Variants in ARHGAP15 observed in about 807,000 individuals in gnomAD.
The protein encoded by ARHGAP15 is rho GTPase-activating protein 15.
A neutral mutation model predicts 63.7 loss-of-function variants in ARHGAP15; 51 were observed. The ratio of observed to expected loss-of-function variants is 0.80; its 90% CI spans 0.64 to 1.01. ARHGAP15 has a LOEUF of 1.01. Among genes scored for constraint, ARHGAP15 ranks in the 50% least tolerant of loss-of-function variants. The pLI is 0.00. For missense variants in ARHGAP15, 560 were observed against 564.6 expected, an observed-to-expected ratio of 0.99 and a Z score of 0.08; for synonymous variants, 191 against 193.8, an observed-to-expected ratio of 0.99 and a Z score of 0.12.
At chr2:143,474,313 C>T (rs1292461649) in intron 8 of ARHGAP15, among the ~76,000 whole-genome samples, 1 of 152,098 alleles carries the variant, frequency 6.6e-6, no homozygotes, top group African/African-American at 2.4e-5. Context: ...CACCCCCCAC[C>T]CTTGAGGCAT....
At chr2:143,212,214 G>GTT (rs1436918511) in intron 3 of ARHGAP15, among the ~76,000 whole-genome samples, 1 of 152,126 alleles carries the variant, frequency 6.6e-6, no homozygotes, top group Non-Finnish European at 1.5e-5. Context: ...TTAATCAAAG[G>GTT]TTGTCTTCTG....
At chr2:143,197,192 CACAA>C (rs1000777777) in intron 2 of ARHGAP15, among the ~76,000 whole-genome samples, 15 of 151,946 alleles carry the variant, frequency 9.9e-5, no homozygotes, top group African/African-American at 3.4e-4. Context: ...GATTTTATAA[CACAA>C]ACAAACAAGT....
intron 11 of ARHGAP15, among the ~76,000 whole-genome samples, chr2:143,610,317 C>G (rs1397806374): frequency 6.6e-6 from 1 of 152,084 alleles, no homozygotes; most frequent in Non-Finnish European, 1.5e-5. Flanking sequence ...TTAAAAATAG[C>G]TCTGTTCATT....
At chr2:143,224,740 T>A (rs917388238) in intron 4 of ARHGAP15, among the ~76,000 whole-genome samples, 4 of 152,176 alleles carry the variant, frequency 2.6e-5, no homozygotes, top group Non-Finnish European at 5.9e-5. Context: ...AGTGATCCTT[T>A]GCACACTCCA....
At chr2:143,324,190 T>C (rs1684153653) in intron 6 of ARHGAP15, among the ~76,000 whole-genome samples, 1 of 152,150 alleles carries the variant, frequency 6.6e-6, no homozygotes, top group Non-Finnish European at 1.5e-5. Flanking sequence ...CACACAAAAC[T>C]ACAAGGAGAA....
chr2:143,179,097 T>C (rs1260214340), intron 2 of ARHGAP15, among the ~76,000 whole-genome samples: 1 of 152,228 alleles, frequency 6.6e-6, no homozygotes, highest in Non-Finnish European at 1.5e-5. Flanking sequence ...GATTACCTAA[T>C]TTGGCTAAGA....
intron 10 of ARHGAP15, among the ~76,000 whole-genome samples, chr2:143,524,890 T>TATTGTACAGTACCC (rs1694199374): frequency 1.3e-5 from 2 of 152,228 alleles, no homozygotes; most frequent in South Asian, 4.1e-4. Context: ...TTAATACAGC[T>TATTGTACAGTACCC]ATTGTACAGT....
chr2:143,740,007 A>T (rs1020232441), intron 13 of ARHGAP15, among the ~76,000 whole-genome samples: 3 of 152,106 alleles, frequency 2.0e-5, no homozygotes, highest in Admixed American at 6.5e-5. Context: ...AGCTCTCATA[A>T]GTCCATTTTT....
intron 10 of ARHGAP15, among the ~76,000 whole-genome samples, chr2:143,538,439 G>T (rs1433431082): frequency 2.6e-5 from 4 of 152,116 alleles, no homozygotes; most frequent in African/African-American, 4.8e-5. Flanking sequence ...GGTGAGAGAG[G>T]GCATCCCTGT....
intron 6 of ARHGAP15, among the ~76,000 whole-genome samples, chr2:143,336,914 G>C (rs1337453634): frequency 6.6e-6 from 1 of 152,184 alleles, no homozygotes; most frequent in Admixed American, 6.5e-5. Flanking sequence ...TGGGAAAACA[G>C]TGGTGATCAT....
chr2:143,143,214 C>A (rs2104991634), intron 1 of ARHGAP15, among the ~76,000 whole-genome samples: 1 of 152,098 alleles, frequency 6.6e-6, no homozygotes, highest in South Asian at 2.1e-4. Context: ...AGTATCTAGT[C>A]CCCCAGATAG....
At chr2:143,142,268 TAGAG>T (rs1689400542) in intron 1 of ARHGAP15, among the ~76,000 whole-genome samples, 1 of 152,092 alleles carries the variant, frequency 6.6e-6, no homozygotes, top group Admixed American at 6.6e-5. Flanking sequence ...GGGTAATGAT[TAGAG>T]AGAACTGGAG....
intron 13 of ARHGAP15, among the ~76,000 whole-genome samples, chr2:143,759,825 AC>A (rs1365439618): frequency 1.3e-5 from 2 of 151,884 alleles, no homozygotes; most frequent in African/African-American, 4.8e-5. Flanking sequence ...CATTAGTATT[AC>A]CTGGGGGCTA....
intron 13 of ARHGAP15, among the ~76,000 whole-genome samples, chr2:143,767,476 A>G (rs987268954): frequency 2.6e-5 from 4 of 152,204 alleles, no homozygotes; most frequent in Non-Finnish European, 4.4e-5. Context: ...CATATACCAA[A>G]CTGTCTCAGA....
At chr2:143,756,579 C>G (rs142584465) in intron 13 of ARHGAP15, among the ~76,000 whole-genome samples, 310 of 152,032 alleles carry the variant, frequency 2.0e-3, no homozygotes, top group African/African-American at 7.2e-3. Flanking sequence ...ATTAAGAATT[C>G]TTTTACTGCT....
chr2:143,384,896 G>GA (rs550927139), intron 6 of ARHGAP15, among the ~76,000 whole-genome samples: 28 of 152,166 alleles, frequency 1.8e-4, no homozygotes, highest in Admixed American at 1.8e-3. Context: ...TGCATTCAGA[G>GA]AAAAAAACTT....
At chr2:143,725,871 C>T (rs1187033826) in intron 13 of ARHGAP15, among the ~76,000 whole-genome samples, 1 of 152,172 alleles carries the variant, frequency 6.6e-6, no homozygotes, top group African/African-American at 2.4e-5. Context: ...ATTTTTCCCC[C>T]TATAAAAAAC....
intron 4 of ARHGAP15, among the ~76,000 whole-genome samples, chr2:143,220,512 T>G (rs1692949066): frequency 6.6e-6 from 1 of 152,180 alleles, no homozygotes. Context: ...CACCCAGCCT[T>G]CTTTTATATT....
chr2:143,415,747 G>A (rs1418481540), intron 6 of ARHGAP15, among the ~76,000 whole-genome samples: 1 of 152,062 alleles, frequency 6.6e-6, no homozygotes, highest in Non-Finnish European at 1.5e-5. Context: ...ATCAACGAGT[G>A]GGTAAAGAAA....
Sources: allele counts gnomAD v4.1 joint callset (sites outside exome capture counted in the v4.1 genomes callset), GRCh38; gene constraint gnomAD v4.1.1; transcripts MANE v1.5; gene names NCBI Gene and HGNC (gene_info 2026-07-23, HGNC 2026-07-21).